Variants in TCF20 observed in about 807,000 individuals in gnomAD.
TCF20 encodes SPRE-binding protein.
In TCF20, 3 loss-of-function variants were observed where a neutral mutation model predicts 148.6. That is an observed-to-expected ratio of 0.02 (90% confidence interval 0.01 to 0.05). The LOEUF (loss-of-function observed/expected upper bound fraction) is 0.05, where lower values mean the gene tolerates loss of function less well. Ranked by LOEUF, TCF20 falls within the 10% of genes least tolerant of loss-of-function variation. The pLI is 1.00. For missense variants in TCF20, 2,350 were observed against 2,429.3 expected (o/e 0.97, Z 0.69); for synonymous variants, 1,049 against 909.5 (o/e 1.15, Z -2.76).
chr22:42,206,053 C>T (rs1421219676), intron 2 of TCF20, among the ~76,000 whole-genome samples: 1 of 152,122 alleles, frequency 6.6e-6, no homozygotes, highest in Non-Finnish European at 1.5e-5. Flanking sequence ...GGACTACAGG[C>T]GTGAGCCATC....
chr22:42,331,540 A>G lies in TCF20; in HGVS notation c.-37+11939T>C, dbSNP rs540898640. On this transcript the variant is annotated intron_variant, in intron 1 of 1. Transcript: ENST00000515426. The stretch of plus-strand genomic sequence containing the variant: ...TTCCCAGTGCCTCCCAGACCCGGGC[A>G]ACCTTGCCTCTTCCTGCCCTTGAGG... 5.3e-5 allele frequency among the ~76,000 whole-genome samples: 8 copies of G among 152,360 alleles called. No homozygotes were observed. The South Asian group carries it at 1.0e-3, about 20-fold the overall frequency.
chr22:42,193,803 C>T lies in TCF20; in HGVS notation c.5656-14101G>A, dbSNP rs564694380. 4.8e-4 allele frequency among the ~76,000 whole-genome samples: 73 copies of T among 152,220 alleles called. 1 individual carries two copies. The Middle Eastern group carries it at 0.01, about 21-fold the overall frequency. ...TGTCTGGATGAAGGATAAAATATGA[C>T]CTAAAAGATTCTATAATTATGACTC... On this transcript the variant is annotated intron_variant, in intron 2 of 5. Transcript: ENST00000677622.
intron 1 of TCF20, among the ~76,000 whole-genome samples, chr22:42,265,550 G>A (rs990171906): frequency 2.6e-5 from 4 of 152,132 alleles, no homozygotes; most frequent in South Asian, 2.1e-4. Flanking sequence ...GTCATGTACC[G>A]TTTTACTTCA....
chr22:42,212,399 T>C lies in TCF20; in HGVS notation c.2907A>G (p.Ala969=). The change falls in exon 2 of 6, where the codon GCA becomes GCG. Residue 969 remains alanine, a synonymous_variant. Transcript: ENST00000677622. The part of the protein sequence containing the change: ...ESYRGNASPG[A]ATHDSLSDYG... Reference sequence around the variant, plus strand: ...AGTCTGAAAGGGAATCATGGGTTGCTGCTCCAGGGCTGGCATTGCCGCGGT... The same window carrying C: ...AGTCTGAAAGGGAATCATGGGTTGCCGCTCCAGGGCTGGCATTGCCGCGGT... The C allele has an allele frequency of 6.2e-7, 1 of 1,614,266 alleles. No individual in the cohort carries two copies. The highest frequency in any genetic ancestry group is 8.5e-7 in the Non-Finnish European group (1 of 1,180,052).
intron 1 of TCF20, among the ~76,000 whole-genome samples, chr22:42,239,691 G>A (rs1391409535): frequency 1.3e-5 from 2 of 152,176 alleles, no homozygotes; most frequent in African/African-American, 4.8e-5. Context: ...ACGAGGCTGA[G>A]GGGGAGAATC....
At position 42,279,087 on chromosome 22, in the gene TCF20, A is replaced by C. The variant is rs1411681711; in HGVS notation, c.-37+4740T>G. Among the ~76,000 whole-genome samples, 1 of 152,094 alleles carries C rather than the reference A, an allele frequency of 6.6e-6. No homozygotes were observed. Among genetic ancestry groups the C allele is most frequent in the Non-Finnish European group, 1.5e-5 (1 of 68,002 alleles). ...CATGCATGGTAACCACTTCTTCACA[A>C]GTTTTGTGTCTCCCCAGCCTCCTCC... On this transcript the variant is annotated intron_variant, in intron 1 of 5. Coordinates refer to the TCF20 transcript ENST00000359486. The surrounding 1 kb of genome is among the most constrained non-coding windows in gnomAD (Gnocchi z 4.3).
chr22:42,216,141 G>A (rs979036018), intron 1 of TCF20, among the ~76,000 whole-genome samples: 12 of 126,074 alleles, frequency 9.5e-5, no homozygotes, highest in African/African-American at 2.7e-4. Flanking sequence ...AGGCTGGAGT[G>A]TGCAGGGGCA....
chr22:42,181,950 G>A (rs956936792), intron 2 of TCF20, among the ~76,000 whole-genome samples: 23 of 152,124 alleles, frequency 1.5e-4, no homozygotes, highest in South Asian at 4.2e-4. Context: ...TTTTTCTTGC[G>A]CAGCCTCTGT....
chr22:42,253,115 T>C (rs1569187893), intron 1 of TCF20, among the ~76,000 whole-genome samples: 1 of 152,192 alleles, frequency 6.6e-6, no homozygotes, highest in African/African-American at 2.4e-5. Flanking sequence ...CATTTATAAG[T>C]GGCAAAAGAA....
rs1296552032 is a variant in TCF20, at chr22:42,161,369, AG to A, written c.*45-12del. 1.9e-6 allele frequency: 3 copies of A among 1,614,054 alleles called. No homozygotes were observed. The highest frequency in any genetic ancestry group is 2.5e-6 in the Non-Finnish European group (3 of 1,179,938). On this transcript the variant is annotated splice_polypyrimidine_tract_variant and intron_variant, in intron 5 of 5. Transcript: ENST00000677622. ...TCTCCACAGTCTCACCTGGAAGACA[AG>A]GGACACACAGTGAAGGCCAGGAGCC...
intron 1 of TCF20, among the ~76,000 whole-genome samples, chr22:42,254,737 C>G (rs993595460): frequency 8.5e-5 from 13 of 152,174 alleles, no homozygotes; most frequent in Non-Finnish European, 1.9e-4. Context: ...GAGGCCGTGA[C>G]AGGCAGATCA....
At chr22:42,161,972 C>CTTTTTTTTTTTTTTTTTTTT (rs3045573) in intron 5 of TCF20, among the ~76,000 whole-genome samples, 4 of 75,030 alleles carry the variant, frequency 5.3e-5, no homozygotes, top group African/African-American at 2.6e-4. Flanking sequence ...TAATGACAGT[C>CTTTTTTTTTTTTTTTTTTTT]TTTTTTTTTT....
intron 1 of TCF20, among the ~76,000 whole-genome samples, chr22:42,265,930 A>G (rs1489307683): frequency 2.6e-5 from 4 of 152,182 alleles, no homozygotes; most frequent in African/African-American, 9.7e-5. Context: ...CACAGATTAA[A>G]TCTCAAGTAC....
At chr22:42,330,414 C>T (rs1390282771) in intron 1 of TCF20, among the ~76,000 whole-genome samples, 1 of 152,120 alleles carries the variant, frequency 6.6e-6, no homozygotes, top group African/African-American at 2.4e-5. Flanking sequence ...TTTGTACACG[C>T]TGTTCCTCCT....
chr22:42,337,564 T>G (rs1012163310), intron 1 of TCF20, among the ~76,000 whole-genome samples: 2 of 152,216 alleles, frequency 1.3e-5, no homozygotes, highest in African/African-American at 4.8e-5. Flanking sequence ...CTCTTATTCA[T>G]CCTGCAAGAC....
intron 1 of TCF20, among the ~76,000 whole-genome samples, chr22:42,249,970 G>A (rs192843446): frequency 3.2e-4 from 48 of 152,134 alleles, no homozygotes; most frequent in African/African-American, 9.6e-4. Context: ...TCATCAAAAC[G>A]TAGAAGCCAG....
intron 1 of TCF20, among the ~76,000 whole-genome samples, chr22:42,328,571 T>A (rs1927914999): frequency 6.6e-6 from 1 of 152,092 alleles, no homozygotes; most frequent in Non-Finnish European, 1.5e-5. Flanking sequence ...TCACCCAGGA[T>A]CAAATGCCAG....
chr22:42,337,925 C>T (rs60706419), intron 1 of TCF20, among the ~76,000 whole-genome samples: 92 of 152,320 alleles, frequency 6.0e-4, no homozygotes, highest in African/African-American at 2.2e-3. Flanking sequence ...CCAGAATGGG[C>T]CTGGGAGGGG....
chr22:42,208,416 C>T (rs1050718219), intron 2 of TCF20, among the ~76,000 whole-genome samples: 3 of 152,088 alleles, frequency 2.0e-5, no homozygotes, highest in African/African-American at 7.2e-5. Context: ...TGCTTGAGTC[C>T]AGCAGTTTGA....
Sources: gnomAD v4.1 joint callset for allele counts (sites outside exome capture counted in the v4.1 genomes callset) on GRCh38, gnomAD v4.1.1 for gene constraint, Gnocchi (gnomAD v3.1) non-coding constraint, MANE v1.5 for transcripts, NCBI Gene and HGNC (gene_info 2026-07-23, HGNC 2026-07-21) for gene names.